Variants in PTPN4 observed in about 807,000 individuals in gnomAD.
PTPN4 encodes the protein protein tyrosine phosphatase non-receptor type 4, also known as tyrosine-protein phosphatase non-receptor type 4.
In PTPN4, 49 loss-of-function variants were observed where a neutral mutation model predicts 135.5. The observed-to-expected ratio is 0.36, with a 90% CI of 0.29 to 0.46. The LOEUF (loss-of-function observed/expected upper bound fraction) is 0.46. Ranked by LOEUF, PTPN4 falls within the 20% of genes least tolerant of loss-of-function variation. PTPN4 has a pLI of 1.00. For synonymous variants in PTPN4, 333 were observed against 369.9 expected (o/e 0.90, Z 1.14); for missense variants, 860 against 1,101.0 (o/e 0.78, Z 3.10).
chr2:119,761,634 G>C (rs1690502736), intron 1 of PTPN4, among the ~76,000 whole-genome samples: 1 of 151,976 alleles, frequency 6.6e-6, no homozygotes, highest in Non-Finnish European at 1.5e-5. Context: ...ATGTCTCTTC[G>C]CATTTTTTAT....
At chr2:119,964,467 G>A (rs1679418960) in intron 24 of PTPN4, among the ~76,000 whole-genome samples, 1 of 152,062 alleles carries the variant, frequency 6.6e-6, no homozygotes, top group Non-Finnish European at 1.5e-5. Context: ...CATTTATCTT[G>A]AGATTTTATT....
At position 119,855,166 on chromosome 2, in the gene PTPN4, G is replaced by A. The variant is rs543162411; in HGVS notation, c.139-7370G>A. 4.8e-4 allele frequency among the ~76,000 whole-genome samples: 73 copies of A among 152,146 alleles called. 1 individual carries two copies. The highest frequency in any genetic ancestry group is 1.4e-3 in the African/African-American group (59 of 41,520). ...GGTTTTTCTAAGATGATGTTTTCAC[G>A]TGCATGTCCTCCCCAGTCTACCCTT... On this transcript the variant is annotated intron_variant, in intron 2 of 26. Coordinates refer to ENST00000263708, the MANE Select transcript of PTPN4 (RefSeq NM_002830.4).
At chr2:119,845,205 T>G (rs1677472706) in intron 2 of PTPN4, among the ~76,000 whole-genome samples, 1 of 119,194 alleles carries the variant, frequency 8.4e-6, no homozygotes. Context: ...CAGTCCAGCT[T>G]CGGCTCCGCA....
At chr2:119,960,317 TTC>T (rs1261791979) in intron 22 of PTPN4, among the ~76,000 whole-genome samples, 1 of 152,250 alleles carries the variant, frequency 6.6e-6, no homozygotes, top group African/African-American at 2.4e-5. Context: ...ATTTAAAATA[TTC>T]TGATACCCTC....
At chr2:119,824,883 T>C (rs1002685056) in intron 2 of PTPN4, among the ~76,000 whole-genome samples, 2 of 152,180 alleles carry the variant, frequency 1.3e-5, no homozygotes, top group Non-Finnish European at 2.9e-5. Flanking sequence ...AGACAGGGTT[T>C]CACCATGTTG....
chr2:119,792,994 G>C (rs868514454), intron 1 of PTPN4, among the ~76,000 whole-genome samples: 3 of 152,340 alleles, frequency 2.0e-5, no homozygotes, highest in Middle Eastern at 6.8e-3. Context: ...AACTGGGATT[G>C]CTGATGAAGT....
chr2:119,872,506 C>T (rs1574380727), intron 3 of PTPN4, among the ~76,000 whole-genome samples: 1 of 152,292 alleles, frequency 6.6e-6, no homozygotes, highest in East Asian at 1.9e-4. Context: ...CCTGAAATAT[C>T]TTACCTTTAA....
chr2:119,800,840 GT>G (rs1268936142), intron 1 of PTPN4, among the ~76,000 whole-genome samples: 5 of 151,764 alleles, frequency 3.3e-5, no homozygotes, highest in Non-Finnish European at 5.9e-5. Flanking sequence ...CTGTTGAATT[GT>G]TTTTGTACCT....
At chr2:119,837,706 C>G (rs960047190) in intron 2 of PTPN4, among the ~76,000 whole-genome samples, 19 of 152,204 alleles carry the variant, frequency 1.2e-4, no homozygotes, top group Non-Finnish European at 1.6e-4. Flanking sequence ...CTTTTAATTA[C>G]GTAGCTAAGC....
In PTPN4 at chr2:119,957,187, G is replaced by T. The variant is rs868770132; in HGVS notation, c.2133+110G>T. ...CCTGGATAGAATATTAAAACTTTCA[G>T]CTATGAAAAATATTATTGAAGTAAT... On this transcript the variant is annotated intron_variant, in intron 22 of 26. Transcript: ENST00000263708. 47 of 1,002,156 alleles carry T rather than the reference G, an allele frequency of 4.7e-5. No individual in the cohort carries two copies. The African/African-American group carries it at 7.3e-4, about 16-fold the overall frequency. 62.1% of individuals were successfully genotyped at this position (1,002,156 alleles called of 1,614,324 possible).
chr2:119,844,434 G>C (rs1221229174), intron 2 of PTPN4, among the ~76,000 whole-genome samples: 1 of 149,298 alleles, frequency 6.7e-6, no homozygotes, highest in Non-Finnish European at 1.5e-5. Context: ...CTGCTGGGCG[G>C]AGAGGCTCCT....
intron 2 of PTPN4, among the ~76,000 whole-genome samples, chr2:119,842,309 T>A (rs1023957039): frequency 2.0e-5 from 3 of 152,198 alleles, no homozygotes; most frequent in African/African-American, 7.2e-5. Context: ...GAATTCTCTT[T>A]TGAGAGGAAA....
chr2:119,795,302 G>T (rs1443727523), intron 1 of PTPN4, among the ~76,000 whole-genome samples: 1 of 152,190 alleles, frequency 6.6e-6, no homozygotes, highest in East Asian at 1.9e-4. Context: ...CTTGAAGGTG[G>T]GGCTTTACCG....
chr2:119,950,129 A>G (rs1371558606), intron 18 of PTPN4, among the ~76,000 whole-genome samples: 1 of 152,120 alleles, frequency 6.6e-6, no homozygotes, highest in Non-Finnish European at 1.5e-5. Context: ...TTTTCTGCCA[A>G]CTACACTATG....
chr2:119,945,745 G>A (rs1241075470), intron 16 of PTPN4, among the ~76,000 whole-genome samples: 1 of 152,096 alleles, frequency 6.6e-6, no homozygotes. Flanking sequence ...TAGATTTGTG[G>A]TTGACTAGGC....
At chr2:119,924,081 G>A (rs974740944) in intron 12 of PTPN4, among the ~76,000 whole-genome samples, 1 of 147,372 alleles carries the variant, frequency 6.8e-6, no homozygotes, top group Non-Finnish European at 1.5e-5. Context: ...AGCTTGCAGT[G>A]AGCCGAGATG....
At chr2:119,904,603 C>G (rs1286763925) in intron 10 of PTPN4, among the ~76,000 whole-genome samples, 1 of 152,104 alleles carries the variant, frequency 6.6e-6, no homozygotes, top group Non-Finnish European at 1.5e-5. Context: ...ACTTCATAGT[C>G]AAATTTTTAA....
At position 119,880,589 on chromosome 2, in the gene PTPN4, C is replaced by A. The variant is rs574016236; in HGVS notation, c.369-1197C>A. ...GGACTACAGGTGCCTGCCATCACGC[C>A]TGGCTAATTTTTTTTTTTTTGTATT... is the stretch of plus-strand genomic sequence containing the variant. On this transcript the variant is annotated intron_variant, in intron 5 of 26. Transcript: ENST00000263708. Among the ~76,000 whole-genome samples the A allele has an allele frequency of 5.9e-5, 9 of 151,894 alleles. No individual in the cohort carries two copies. The South Asian group carries it at 1.9e-3, about 32-fold the overall frequency.
intron 1 of PTPN4, among the ~76,000 whole-genome samples, chr2:119,801,906 T>TTG (rs1691381361): frequency 6.8e-6 from 1 of 146,190 alleles, no homozygotes; most frequent in Non-Finnish European, 1.5e-5. Context: ...TTCCGTTTTT[T>TTG]TTTTTTTTTT....
Sources: gnomAD v4.1 joint callset for allele counts (sites outside exome capture counted in the v4.1 genomes callset) on GRCh38, gnomAD v4.1.1 for gene constraint, MANE v1.5 for transcripts, NCBI Gene and HGNC (gene_info 2026-07-23, HGNC 2026-07-21) for gene names.